THNSL1: variants seen among roughly 807,000 people sequenced by gnomAD.
THNSL1 encodes threonine synthase like 1.
Under a neutral mutation model 50.4 loss-of-function variants are expected in THNSL1, and 48 were observed. That is an observed-to-expected ratio of 0.95 (90% confidence interval 0.76 to 1.21). The LOEUF is 1.21. Among genes scored for constraint, THNSL1 ranks in the 50% most tolerant of loss-of-function variants. THNSL1 has a pLI of 0.00. For missense variants in THNSL1, 896 were observed against 871.7 expected (o/e 1.03, Z -0.35); for synonymous variants, 309 against 306.1 (o/e 1.01, Z -0.10).
chr10:24,991,948 T>A, the THNSL1 span, among the ~76,000 whole-genome samples: 1 of 152,040 alleles, frequency 6.6e-6, no homozygotes, highest in African/African-American at 2.4e-5. Flanking sequence ...TTCGGCATGC[T>A]CCCCCTAGAA....
At chr10:24,957,441 A>G in the THNSL1 span, among the ~76,000 whole-genome samples, 1 of 151,078 alleles carries the variant, frequency 6.6e-6, no homozygotes, top group Admixed American at 6.6e-5. Context: ...CAGGTTTTAC[A>G]TGGCAGTCTT....
chr10:24,962,407 T>C, the THNSL1 span, among the ~76,000 whole-genome samples: 1 of 152,176 alleles, frequency 6.6e-6, no homozygotes, highest in African/African-American at 2.4e-5. Context: ...GTTTGGAATA[T>C]AAAGGACAAC....
the THNSL1 span, among the ~76,000 whole-genome samples, chr10:24,990,131 CA>C: frequency 6.6e-6 from 1 of 152,148 alleles, no homozygotes; most frequent in Non-Finnish European, 1.5e-5. Context: ...TTCACAAACT[CA>C]GGGGCATAAA....
the THNSL1 span, among the ~76,000 whole-genome samples, chr10:24,974,957 A>G: frequency 3.9e-5 from 6 of 152,196 alleles, no homozygotes; most frequent in Admixed American, 2.6e-4. Flanking sequence ...ATCTATACCT[A>G]TAAAGCATTC....
chr10:24,995,574 A>AT, the THNSL1 span: 1 of 1,300,004 alleles, frequency 7.7e-7, no homozygotes, highest in African/African-American at 1.5e-5. Flanking sequence ...ATGATAACAT[A>AT]GATGATCATC....
the THNSL1 span, among the ~76,000 whole-genome samples, chr10:24,976,145 G>C: frequency 1.3e-5 from 2 of 152,174 alleles, no homozygotes; most frequent in South Asian, 4.1e-4. Context: ...CTGCTCCTAA[G>C]TACCTTTAGC....
At chr10:25,023,119 G>C in intron 2 of THNSL1, 57 bp from the exon 3 acceptor site, 1 of 1,105,748 alleles carries the variant, frequency 9.0e-7, no homozygotes, top group Non-Finnish European at 1.3e-6. Context: ...ACAATCTACT[G>C]TAATTAGTAA....
chr10:24,963,388 G>A, the THNSL1 span, among the ~76,000 whole-genome samples: 1 of 152,190 alleles, frequency 6.6e-6, no homozygotes, highest in African/African-American at 2.4e-5. Context: ...AAACTAGTCT[G>A]TGTTTCTGAG....
At position 25,025,333 on chromosome 10, in the gene THNSL1, C is replaced by T. The variant is rs1850827841; in HGVS notation, c.2110C>T (p.Leu704=). The T allele has an allele frequency of 6.2e-7, 1 of 1,614,064 alleles. No homozygotes were observed. The highest frequency in any genetic ancestry group is 8.5e-7 in the Non-Finnish European group (1 of 1,180,038). Residue 704 remains leucine (L), a synonymous_variant, in exon 3 of 3, where the codon CTG becomes TTG. Coordinates refer to ENST00000376356, the MANE Select transcript of THNSL1 (RefSeq NM_024838.5). The part of the protein sequence containing the change: ...LLGSYNALPP[L]HEALLERTKQ... ...GGGTTCATACAATGCATTACCTCCACTGCATGAGGCTTTATTAGAGAGAAC... is the reference window on the plus strand; with the variant it reads ...GGGTTCATACAATGCATTACCTCCATTGCATGAGGCTTTATTAGAGAGAAC...
the THNSL1 span, among the ~76,000 whole-genome samples, chr10:24,952,785 G>A: frequency 6.6e-6 from 1 of 151,546 alleles, no homozygotes; most frequent in African/African-American, 2.4e-5. The surrounding 1 kb of genome is among the most constrained non-coding windows in gnomAD (Gnocchi z 5.1). Flanking sequence ...CCCCTGGCTA[G>A]GCCGCGGGGG....
chr10:24,984,668 GT>G, the THNSL1 span: 11 of 1,441,836 alleles, frequency 7.6e-6, no homozygotes, highest in Non-Finnish European at 9.3e-6. Context: ...AAAACTTGGA[GT>G]TTTTTATATT....
chr10:24,988,116 C>A, the THNSL1 span, among the ~76,000 whole-genome samples: 1 of 151,058 alleles, frequency 6.6e-6, no homozygotes, highest in Admixed American at 6.6e-5. Context: ...TTCAGCTACT[C>A]GGGAGGCTGA....
chr10:24,978,898 G>A, the THNSL1 span, among the ~76,000 whole-genome samples: 8 of 152,302 alleles, frequency 5.3e-5, no homozygotes, highest in African/African-American at 1.9e-4. Context: ...AGGAAAATAA[G>A]GCTGAGGCTC....
At chr10:24,984,780 G>A in the THNSL1 span, 2 of 1,613,456 alleles carry the variant, frequency 1.2e-6, no homozygotes, top group East Asian at 2.2e-5. Flanking sequence ...TTATGCCAAT[G>A]TCGTGTTCTA....
the THNSL1 span, chr10:24,999,465 T>G: frequency 6.2e-6 from 10 of 1,613,404 alleles, no homozygotes; most frequent in Non-Finnish European, 8.5e-7. Flanking sequence ...GTACTTCAAC[T>G]TTTGCTGGTC....
chr10:24,995,552 A>G, the THNSL1 span: 178 of 1,102,320 alleles, frequency 1.6e-4, 1 homozygote, highest in African/African-American at 2.4e-3. Flanking sequence ...GTGTCCAATG[A>G]GAGCACTAAT....
chr10:24,990,364 A>G, the THNSL1 span: 2 of 1,452,568 alleles, frequency 1.4e-6, no homozygotes, highest in Non-Finnish European at 1.8e-6. Flanking sequence ...TCTGATTTCA[A>G]AATCCAAGTG....
intron 1 of THNSL1, among the ~76,000 whole-genome samples, chr10:25,017,007 C>A: frequency 6.6e-6 from 1 of 152,196 alleles, no homozygotes; most frequent in East Asian, 1.9e-4. Flanking sequence ...CCTCCTCCGC[C>A]TGCTGCGCTC....
At chr10:24,969,843 G>GA in the THNSL1 span, among the ~76,000 whole-genome samples, 1 of 152,102 alleles carries the variant, frequency 6.6e-6, no homozygotes, top group Non-Finnish European at 1.5e-5. Flanking sequence ...GATTGCCTTA[G>GA]AAAAAACCCA....
Sources: gnomAD v4.1 joint callset for allele counts (sites outside exome capture counted in the v4.1 genomes callset) on GRCh38, gnomAD v4.1.1 for gene constraint, Gnocchi (gnomAD v3.1) non-coding constraint, MANE v1.5 for transcripts, NCBI Gene and HGNC (gene_info 2026-07-23, HGNC 2026-07-21) for gene names.